Variants in CLPX observed in about 807,000 individuals in gnomAD.
CLPX encodes the protein caseinolytic mitochondrial matrix peptidase chaperone subunit X.
Under a neutral mutation model 76.4 loss-of-function variants are expected in CLPX, and 34 were observed. The observed-to-expected ratio is 0.45, with a 90% CI of 0.34 to 0.59. The LOEUF is 0.59. CLPX is among the 20% of genes least tolerant of loss of function. CLPX has a pLI of 0.01. For synonymous variants in CLPX, 248 were observed against 270.9 expected (o/e 0.92, Z 0.83); for missense variants, 613 against 757.0 (o/e 0.81, Z 2.23).
intron 3 of CLPX, among the ~76,000 whole-genome samples, chr15:65,177,085 A>C (rs2088101118): frequency 6.7e-6 from 1 of 149,266 alleles, no homozygotes; most frequent in Non-Finnish European, 1.5e-5. Context: ...TTTTTTTTTG[A>C]GATGGAGTTT....
At position 65,155,874 on chromosome 15, in the gene CLPX, G is replaced by T. The variant is rs1392293869; in HGVS notation, c.1147-18C>A. 2 of 1,589,358 alleles carry T rather than the reference G, an allele frequency of 1.3e-6. No homozygotes were observed. The highest frequency in any genetic ancestry group is 1.7e-6 in the Non-Finnish European group (2 of 1,159,824). Reference sequence around the variant, plus strand: ...AATAAGCCCTAAATAAAGAACAAATGATTTATAGCATCACCATATAAGCAC... The same window carrying T: ...AATAAGCCCTAAATAAAGAACAAATTATTTATAGCATCACCATATAAGCAC... On this transcript the variant is annotated intron_variant, in intron 9 of 13. Transcript: ENST00000300107.
At chr15:65,182,400 A>T (rs2088187460) in intron 1 of CLPX, among the ~76,000 whole-genome samples, 1 of 152,236 alleles carries the variant, frequency 6.6e-6, no homozygotes, top group Non-Finnish European at 1.5e-5. Flanking sequence ...TTATCAAAAA[A>T]TTTTTAAAAT....
At chr15:65,167,423 T>C (rs917614104) in intron 3 of CLPX, among the ~76,000 whole-genome samples, 3 of 152,172 alleles carry the variant, frequency 2.0e-5, no homozygotes, top group South Asian at 2.1e-4. Context: ...ATCTATTTTA[T>C]TGAAATACTT....
chr15:65,155,910 ATACTT>A (rs2087784277), intron 9 of CLPX, 54 bp from the exon 10 acceptor site: 1 of 1,457,982 alleles, frequency 6.9e-7, no homozygotes, highest in Non-Finnish European at 9.5e-7. Flanking sequence ...ATTATTTATT[ATACTT>A]TAGACAATAG....
chr15:65,155,079 A>C lies in CLPX; in HGVS notation c.1314T>G (p.Tyr438Ter). The C allele has an allele frequency of 6.2e-7, 1 of 1,610,968 alleles. No homozygotes were observed. Among genetic ancestry groups the C allele is most frequent in the Non-Finnish European group, 8.5e-7 (1 of 1,177,508 alleles). ...RIISRRKNEKYLGFGTPSNLG... is the reference protein window; with the variant it reads ...RIISRRKNEK ...GATTAGATGGTGTTCCAAATCCAAG[A>C]TACTGCCAAAGAAATGATGCATATT... The change falls in exon 11 of 14, where the codon TAT (tyrosine) becomes TAG (stop). Residue 438 changes from tyrosine to a stop codon, truncating the protein, a stop_gained and splice_region_variant. Coordinates refer to ENST00000300107, the MANE Select transcript of CLPX (RefSeq NM_006660.5). LOFTEE classifies it high-confidence loss of function.
In CLPX at chr15:65,156,893, A is replaced by G. The variant is rs941332167; in HGVS notation, c.1097T>C (p.Val366Ala). The G allele has an allele frequency of 6.2e-7, 1 of 1,613,466 alleles. No individual in the cohort carries two copies. Among genetic ancestry groups the G allele is most frequent in the Non-Finnish European group, 8.5e-7 (1 of 1,179,654 alleles). ...ATCCCGTAATTGATGAATGCCTGGC[A>G]CACTGCCAATCTTATCTACTTCATC... ...FLDEVDKIGSVPGIHQLRDVG... is the reference protein window; with the variant it reads ...FLDEVDKIGSAPGIHQLRDVG... Residue 366 changes from valine (V) to alanine (A), a missense_variant, in exon 9 of 14, where the codon GTG (valine) becomes GCG (alanine). Val to Ala is a moderately conservative substitution (Grantham distance 64). Around this residue, in one of 2 missense-constraint regions of CLPX, gnomAD observed 450 missense variants for 638.6 expected, o/e 0.70. Transcript: ENST00000300107.
intron 1 of CLPX, among the ~76,000 whole-genome samples, chr15:65,182,118 CAAA>C (rs540972406): frequency 2.9e-5 from 2 of 69,210 alleles, no homozygotes; most frequent in Non-Finnish European, 6.3e-5. Flanking sequence ...GTCTCCGTCT[CAAA>C]AAAAAAAAAA....
chr15:65,152,820 C>T (rs1484193332), intron 12 of CLPX, among the ~76,000 whole-genome samples: 1 of 151,718 alleles, frequency 6.6e-6, no homozygotes, highest in Non-Finnish European at 1.5e-5. Flanking sequence ...TGGTCTTGAA[C>T]TCCTGAGCTC....
chr15:65,176,079 A>G (rs1459276905), intron 3 of CLPX, among the ~76,000 whole-genome samples: 1 of 152,186 alleles, frequency 6.6e-6, no homozygotes, highest in Non-Finnish European at 1.5e-5. Context: ...ACCACCCACA[A>G]TTAGAATTCT....
chr15:65,177,121 T>G (rs1452214457), intron 3 of CLPX, among the ~76,000 whole-genome samples: 2 of 151,894 alleles, frequency 1.3e-5, no homozygotes, highest in Non-Finnish European at 2.9e-5. Context: ...GCTGGAGAAG[T>G]GCAGTGGTGT....
rs369611534 is a variant in CLPX, at chr15:65,167,103, G to A, written c.359-318C>T. On this transcript the variant is annotated intron_variant, in intron 3 of 13. Transcript: ENST00000300107. ...TTTTTTCTTTGGGAGACGGAGTCTC[G>A]CTCTGTTGCCAGGCTGGAGTGCAGT... Among the ~76,000 whole-genome samples the A allele has an allele frequency of 3.9e-5, 6 of 151,908 alleles. No individual in the cohort carries two copies. In the South Asian group the frequency reaches 8.3e-4, roughly 21 times the overall value.
At chr15:65,168,931 A>G (rs910641962) in intron 3 of CLPX, among the ~76,000 whole-genome samples, 3 of 148,894 alleles carry the variant, frequency 2.0e-5, no homozygotes, top group African/African-American at 7.5e-5. Context: ...ATCACTACTC[A>G]CTGCAGTCTT....
Position 65,152,509 on chromosome 15 carries a change from C to T in CLPX, c.1732G>A (p.Glu578Lys), listed in dbSNP as rs2087735143. ...MEKLLLEPMF[E>K]VPNSDIVCVE... ...CATACGATATCAGAATTAGGGACTT[C>T]AAACATTGGTTCTAGTAACAGCTTT... Residue 578 changes from glutamate to lysine, a missense_variant, in exon 13 of 14, where the codon GAA becomes AAA. Transcript: ENST00000300107. The T allele has an allele frequency of 6.5e-7, 1 of 1,536,112 alleles. No homozygotes were observed. Among genetic ancestry groups the T allele is most frequent in the South Asian group, 1.3e-5 (1 of 77,252 alleles).
At chr15:65,170,492 G>C (rs145313234) in intron 3 of CLPX, among the ~76,000 whole-genome samples, 13 of 152,096 alleles carry the variant, frequency 8.5e-5, no homozygotes, top group African/African-American at 3.1e-4. Context: ...AGGCTGAGCG[G>C]GGTGGCTCAG....
chr15:65,164,185 A>C lies in CLPX; in HGVS notation c.517T>G (p.Tyr173Asp). 1.9e-6 allele frequency: 3 copies of C among 1,605,366 alleles called. No homozygotes were observed. Among genetic ancestry groups the C allele is most frequent in the Non-Finnish European group, 2.6e-6 (3 of 1,174,818 alleles). ...ACAACATACTTGTCGAGGTAGTTAT[A>C]AATCTGAAAAATGATTAGGTATGAA... ...QKPPPPPKKIYNYLDKYVVGQ... is the reference protein window; with the variant it reads ...QKPPPPPKKIDNYLDKYVVGQ... Residue 173 changes from tyrosine to aspartate, a missense_variant, in exon 5 of 14, where the codon TAT becomes GAT. By Grantham distance (160) the Tyr-to-Asp change is radical (BLOSUM62 -3). Around this residue, in one of 2 missense-constraint regions of CLPX, gnomAD observed 450 missense variants for 638.6 expected, o/e 0.70. Transcript: ENST00000300107.
chr15:65,150,929 A>T lies in CLPX; in HGVS notation c.1812-16T>A. ...TGTTGGAGCCCTACAATGAAAAGCCATGTTTGTTTTTTTAAAATAAAAAAT... is the reference window on the plus strand; with the variant it reads ...TGTTGGAGCCCTACAATGAAAAGCCTTGTTTGTTTTTTTAAAATAAAAAAT... On this transcript the variant is annotated splice_polypyrimidine_tract_variant and intron_variant, in intron 13 of 13. Transcript: ENST00000300107. 5 of 1,565,428 alleles carry T rather than the reference A, an allele frequency of 3.2e-6. No homozygotes were observed. Among genetic ancestry groups the T allele is most frequent in the South Asian group, 2.3e-5 (2 of 85,916 alleles).
At chr15:65,179,823 G>C (rs936633028) in intron 2 of CLPX, among the ~76,000 whole-genome samples, 56 of 152,176 alleles carry the variant, frequency 3.7e-4, no homozygotes, top group African/African-American at 1.3e-3. Context: ...TACTACTTTG[G>C]GGTGTAAGAA....
chr15:65,182,385 A>G (rs1339071646), intron 1 of CLPX, among the ~76,000 whole-genome samples: 7 of 152,200 alleles, frequency 4.6e-5, no homozygotes. Flanking sequence ...ATTATAATGA[A>G]GTAGTTATCA....
At chr15:65,153,924 T>C (rs2087755476) in intron 11 of CLPX, among the ~76,000 whole-genome samples, 1 of 152,202 alleles carries the variant, frequency 6.6e-6, no homozygotes, top group Non-Finnish European at 1.5e-5. Context: ...AGACATCATC[T>C]TTGCCAAGCA....
Sources: gnomAD v4.1 joint callset for allele counts (sites outside exome capture counted in the v4.1 genomes callset) on GRCh38, gnomAD v4.1.1 for gene constraint, gnomAD v4.1.1 regional missense constraint, MANE v1.5 for transcripts, NCBI Gene and HGNC (gene_info 2026-07-23, HGNC 2026-07-21) for gene names.